Variants in LRRN4 observed in about 807,000 individuals in gnomAD.
LRRN4 encodes the protein leucine-rich repeat neuronal protein 4.
A neutral mutation model predicts 22.3 loss-of-function variants in LRRN4; 26 were observed. The observed-to-expected ratio is 1.16, with a 90% CI of 0.85 to 1.62. LRRN4 has a LOEUF of 1.62. Ranked by LOEUF, LRRN4 falls within the 40% of genes most tolerant of loss-of-function variation. LRRN4 has a pLI of 0.00. For synonymous variants in LRRN4, 496 were observed against 486.2 expected (o/e 1.02, Z -0.26); for missense variants, 1,070 against 1,008.5 (o/e 1.06, Z -0.83).
rs1480937796 is a variant in LRRN4, at chr20:6,052,569, C to G, written c.231G>C (p.Leu77=). The G allele has an allele frequency of 3.2e-6, 5 of 1,580,598 alleles. No homozygotes were observed. Among genetic ancestry groups the G allele is most frequent in the Non-Finnish European group, 4.3e-6 (5 of 1,172,072 alleles). Residue 77 remains leucine (L), a synonymous_variant, in exon 2 of 5, where the codon CTG becomes CTC. Transcript: ENST00000378858. ...ERLPGCLPRT[L]RSLDASHNLL... is the part of the protein sequence containing the mutation. ...GGTTGTGGCTGGCGTCGAGGCTGCG[C>G]AGTGTGCGCGGTAGGCAGCCGGGCA...
At chr20:6,047,803 G>C (rs1981146742) in intron 3 of LRRN4, among the ~76,000 whole-genome samples, 1 of 143,328 alleles carries the variant, frequency 7.0e-6, no homozygotes, top group Non-Finnish European at 1.5e-5. Flanking sequence ...AAAAAAAAAA[G>C]AGTGGACCCA....
Position 6,050,783 on chromosome 20 carries a change from G to A in LRRN4, c.856C>T (p.Gln286Ter). 1.2e-6 allele frequency: 2 copies of A among 1,613,478 alleles called. No homozygotes were observed. The highest frequency in any genetic ancestry group is 1.7e-6 in the Non-Finnish European group (2 of 1,179,796). The change falls in exon 3 of 5, where the codon CAG becomes TAG. Residue 286 changes from glutamine to a stop codon, truncating the protein, a stop_gained. Coordinates refer to ENST00000378858, the MANE Select transcript of LRRN4 (RefSeq NM_152611.5). LOFTEE classifies it high-confidence loss of function. ...DTPHLQVLLF[Q>*]NCNLSSFPPW... Reference sequence around the variant, plus strand: ...ATGTGCCTCAGAAGCACTTACTTCTGGAACAGAAGGACCTGTAGATGTGGA... The same window carrying A: ...ATGTGCCTCAGAAGCACTTACTTCTAGAACAGAAGGACCTGTAGATGTGGA...
Position 6,041,125 on chromosome 20 carries a change from C to T in LRRN4, c.2120G>A (p.Arg707Lys). 6.2e-7 allele frequency: 1 copy of T among 1,611,782 alleles called. No individual in the cohort carries two copies. The highest frequency in any genetic ancestry group is 8.5e-7 in the Non-Finnish European group (1 of 1,179,086). The change falls in exon 5 of 5, where the codon AGG becomes AAG. Residue 707 changes from arginine to lysine, a missense_variant. Coordinates refer to ENST00000378858, the MANE Select transcript of LRRN4 (RefSeq NM_152611.5). The surrounding 1 kb of genome is among the most constrained non-coding windows in gnomAD (Gnocchi z 9.4). ...STVVLSACLC[R>K]RGQTLGLQRC... The stretch of plus-strand genomic sequence containing the variant: ...CTGCAGGCCCAGCGTCTGGCCCCGC[C>T]TGCAGAGACATGCGGACAGCACCAC...
In LRRN4 at chr20:6,052,396, G is replaced by A. The variant is rs1379620350; in HGVS notation, c.404C>T (p.Ala135Val). The A allele has an allele frequency of 1.3e-6, 2 of 1,530,210 alleles. No homozygotes were observed. The highest frequency in any genetic ancestry group is 4.0e-5 in the Admixed American group (2 of 50,268). The allele number at this position is 1,530,210 out of a possible 1,614,324, so 94.8% of individuals were successfully genotyped here. ...HTLDLSYNQL[A>V]ALPPCTGPAL... ...GGGCCCGGTGCACGGCGGCAGAGCG[G>A]CCAGCTGGTTGTAGCTGAGGTCCAG... The change falls in exon 2 of 5, where the codon GCC (alanine) becomes GTC (valine). Residue 135 changes from alanine (A) to valine (V), a missense_variant. Physicochemically the swap from Ala to Val is moderately conservative, Grantham distance 64. Coordinates refer to ENST00000378858, the MANE Select transcript of LRRN4 (RefSeq NM_152611.5).
Position 6,042,065 on chromosome 20 carries a change from C to CTGCGCTGGGCGCGACGGTGG in LRRN4, c.1160_1179dup (p.Ala394ProfsTer31). On this transcript the variant is annotated frameshift_variant, in exon 5 of 5. Transcript: ENST00000378858. LOFTEE classifies it low-confidence loss of function (END_TRUNC). ...TCTCCCGCAGGCCGGGTGGCGGGGG[C>CTGCGCTGGGCGCGACGGTGG]TGCGCTGGGCGCGACGGTGGTACCC... 6.2e-7 allele frequency: 1 copy of CTGCGCTGGGCGCGACGGTGG among 1,613,992 alleles called. No individual in the cohort carries two copies. The highest frequency in any genetic ancestry group is 8.5e-7 in the Non-Finnish European group (1 of 1,179,944).
rs758203108 is a variant in LRRN4 at position 6,042,080 on chromosome 20, C to T, written c.1165G>A (p.Val389Ile). ...NRSTYAQGTTVAPSAAPATRP... is the reference protein window; with the variant it reads ...NRSTYAQGTTIAPSAAPATRP... ...GTGGCGGGGGCTGCGCTGGGCGCGACGGTGGTACCCTGTGCGTAGGTGGAG... is the reference window on the plus strand; with the variant it reads ...GTGGCGGGGGCTGCGCTGGGCGCGATGGTGGTACCCTGTGCGTAGGTGGAG... Residue 389 changes from valine to isoleucine, a missense_variant, in exon 5 of 5, where the codon GTC (valine) becomes ATC (isoleucine). Transcript: ENST00000378858. The T allele has an allele frequency of 1.2e-6, 2 of 1,614,048 alleles. No individual in the cohort carries two copies.
rs57188958 is a variant in LRRN4 at position 6,047,425 on chromosome 20, TACACACACAC to T, written c.861-2755_861-2746del. On this transcript the variant is annotated intron_variant, in intron 3 of 4. Coordinates refer to ENST00000378858, the MANE Select transcript of LRRN4 (RefSeq NM_152611.5). ...AAGGTGTTAAAGAAGCAGACACACA[TACACACACAC>T]ACACACACACACACACACACACACA... is the stretch of plus-strand genomic sequence containing the variant. 2.4e-4 allele frequency among the ~76,000 whole-genome samples: 31 copies of T among 128,480 alleles called. 1 individual carries two copies. Among genetic ancestry groups the T allele is most frequent in the South Asian group, 1.9e-3 (7 of 3,778 alleles). 84.3% of individuals were successfully genotyped at this position (128,480 alleles called of 152,430 possible).
chr20:6,040,600 C>G lies in LRRN4; in HGVS notation c.*422G>C, dbSNP rs1372179276. Among the ~76,000 whole-genome samples, 3 of 152,302 alleles carry G rather than the reference C, an allele frequency of 2.0e-5. No homozygotes were observed. The East Asian group carries it at 5.8e-4, about 29-fold the overall frequency. On this transcript the variant is annotated 3_prime_UTR_variant, in exon 5 of 5. Coordinates refer to ENST00000378858, the MANE Select transcript of LRRN4 (RefSeq NM_152611.5). ...AGCTCGTTGTGTCTTAGAGCTTGAC[C>G]ATGAAGGAGCTTCCGCTGGAAAGAC...
chr20:6,051,952 A>G (rs1981255406), intron 2 of LRRN4, among the ~76,000 whole-genome samples, 193 bp downstream of exon 2: 1 of 152,224 alleles, frequency 6.6e-6, no homozygotes, highest in Non-Finnish European at 1.5e-5. Flanking sequence ...AGGATTCAAG[A>G]AAGTGACTCC....
rs759440516 is a variant in LRRN4 at position 6,041,724 on chromosome 20, G to A, written c.1521C>T (p.Pro507=). The A allele has an allele frequency of 1.9e-6, 3 of 1,613,646 alleles. 1 individual carries two copies. In the South Asian group the frequency reaches 3.3e-5, roughly 18 times the overall value. The change falls in exon 5 of 5, where the codon CCC becomes CCT. Residue 507 remains proline (P), a synonymous_variant. Coordinates refer to ENST00000378858, the MANE Select transcript of LRRN4 (RefSeq NM_152611.5). This position sits in a 1 kb window ranked among gnomAD's most constrained non-coding sequence, Gnocchi z 9.4. Reference sequence around the variant, plus strand: ...CGGAAAGACTCGGGTTGGGGGCTTGGGGTGTGGCGTGTGTCCTCTGGCCGG... The same window carrying A: ...CGGAAAGACTCGGGTTGGGGGCTTGAGGTGTGGCGTGTGTCCTCTGGCCGG... ...PQPGQRTHAT[P]QAPNPSLSEG...
rs556407479 is a variant in LRRN4 at position 6,046,833 on chromosome 20, G to A, written c.861-2153C>T. On this transcript the variant is annotated intron_variant, in intron 3 of 4. Coordinates refer to ENST00000378858, the MANE Select transcript of LRRN4 (RefSeq NM_152611.5). ...TACAAGTGTATATATGTATATATGC[G>A]TGTATGCTTGTTTTTGCAGATTTTA... Among the ~76,000 whole-genome samples, 7 of 148,926 alleles carry A rather than the reference G, an allele frequency of 4.7e-5. 1 individual carries two copies. Among genetic ancestry groups the A allele is most frequent in the South Asian group, 2.1e-4 (1 of 4,712 alleles).
Position 6,042,050 on chromosome 20 carries a change from G to T in LRRN4, c.1195C>A (p.Pro399Thr), listed in dbSNP as rs369401908. Residue 399 changes from proline (P) to threonine (T), a missense_variant, in exon 5 of 5, where the codon CCT (proline) becomes ACT (threonine). Coordinates refer to ENST00000378858, the MANE Select transcript of LRRN4 (RefSeq NM_152611.5). ...GAGACACTCTGCTGGTCTCCCGCAG[G>T]CCGGGTGGCGGGGGCTGCGCTGGGC... ...VAPSAAPATR[P>T]AGDQQSVSKA... 1.5e-5 allele frequency: 25 copies of T among 1,613,840 alleles called. No homozygotes were observed. Among genetic ancestry groups the T allele is most frequent in the Non-Finnish European group, 1.9e-5 (22 of 1,179,954 alleles).
chr20:6,048,188 C>T (rs985963462), intron 3 of LRRN4, among the ~76,000 whole-genome samples: 10 of 152,160 alleles, frequency 6.6e-5, no homozygotes, highest in African/African-American at 2.4e-4. Context: ...CTTAAGCACT[C>T]TCTTCTCTTG....
At chr20:6,052,082 G>A in intron 2 of LRRN4, 63 bp downstream of exon 2, 1 of 1,509,884 alleles carries the variant, frequency 6.6e-7, no homozygotes, top group Non-Finnish European at 8.9e-7. Flanking sequence ...CTGCCCCCCG[G>A]AGCGCACGCG....
Position 6,044,635 on chromosome 20 carries a change from C to T in LRRN4, c.906G>A (p.Gln302=). The change falls in exon 4 of 5, where the codon CAG becomes CAA. Residue 302 remains glutamine (Q), a synonymous_variant. Coordinates refer to ENST00000378858, the MANE Select transcript of LRRN4 (RefSeq NM_152611.5). ...SFPPWTLDSS[Q]VLSINLFGNP... ...TGCCAAAGAGGTTGATCGATAGGAC[C>T]TGGGAGGAATCCAGGGTCCAAGGAG... The T allele has an allele frequency of 6.3e-7, 1 of 1,592,152 alleles. No individual in the cohort carries two copies. The highest frequency in any genetic ancestry group is 2.3e-5 in the East Asian group (1 of 43,910).
At chr20:6,053,117 C>A (rs1305340254) in intron 1 of LRRN4, among the ~76,000 whole-genome samples, 2 of 152,176 alleles carry the variant, frequency 1.3e-5, no homozygotes, top group African/African-American at 2.4e-5. Flanking sequence ...CTCTCAATAA[C>A]TCCCTCCGTT....
chr20:6,047,065 T>G (rs1981117096), intron 3 of LRRN4, among the ~76,000 whole-genome samples: 1 of 152,178 alleles, frequency 6.6e-6, no homozygotes, highest in Non-Finnish European at 1.5e-5. Flanking sequence ...TGTTACATGT[T>G]CTACATGTAA....
rs1980935129 is a variant in LRRN4, at chr20:6,041,356, T to C, written c.1889A>G (p.Tyr630Cys). 5 of 1,596,336 alleles carry C rather than the reference T, an allele frequency of 3.1e-6. No individual in the cohort carries two copies. Among genetic ancestry groups the C allele is most frequent in the South Asian group, 1.1e-5 (1 of 89,684 alleles). Residue 630 changes from tyrosine (Y) to cysteine (C), a missense_variant, in exon 5 of 5, where the codon TAC becomes TGC. Tyr to Cys is a radical substitution (Grantham distance 194). Transcript: ENST00000378858. The surrounding 1 kb of genome is among the most constrained non-coding windows in gnomAD (Gnocchi z 9.4). The stretch of plus-strand genomic sequence containing the variant: ...CAGAGGGTGCTGCCGGGCCGTGGCG[T>C]AGATGACCCCCACCACCGACTGGTT... The part of the protein sequence containing the change: ...AGNQSVVGVI[Y>C]ATARQHPLYG...
intron 3 of LRRN4, 139 bp from the exon 4 acceptor site, chr20:6,044,819 A>G (rs1457652974): frequency 1.5e-6 from 1 of 686,882 alleles, no homozygotes; most frequent in Non-Finnish European, 2.1e-6. Context: ...CGCTTTGGGC[A>G]AAACTCTTAA....
Sources: allele counts gnomAD v4.1 joint callset (sites outside exome capture counted in the v4.1 genomes callset), GRCh38; gene constraint gnomAD v4.1.1; non-coding constraint Gnocchi (gnomAD v3.1); transcripts MANE v1.5; gene names NCBI Gene and HGNC (gene_info 2026-07-23, HGNC 2026-07-21).